Variants in ZDHHC21 observed in about 807,000 individuals in gnomAD.
ZDHHC21 encodes the protein zDHHC palmitoyltransferase 21.
Under a neutral mutation model 34.6 loss-of-function variants are expected in ZDHHC21, and 15 were observed. The ratio of observed to expected loss-of-function variants is 0.43; its 90% confidence interval spans 0.29 to 0.67. The LOEUF is 0.67. Ranked by LOEUF, ZDHHC21 falls within the 30% of genes least tolerant of loss-of-function variation. The pLI is 0.14. For synonymous variants in ZDHHC21, 142 were observed against 101.8 expected (o/e 1.40, Z -2.38); for missense variants, 344 against 327.7 (o/e 1.05, Z -0.38).
chr9:14,684,603 A>G (rs1433823975), intron 2 of ZDHHC21, among the ~76,000 whole-genome samples: 3 of 151,920 alleles, frequency 2.0e-5, no homozygotes, highest in South Asian at 4.2e-4. Flanking sequence ...GGAAGAATCA[A>G]TATCATGAAA....
At chr9:14,685,982 A>G (rs1838249008) in intron 2 of ZDHHC21, among the ~76,000 whole-genome samples, 1 of 151,162 alleles carries the variant, frequency 6.6e-6, no homozygotes, top group Non-Finnish European at 1.5e-5. Flanking sequence ...ACATGTTCTC[A>G]CTCATAGGTG....
intron 8 of ZDHHC21, among the ~76,000 whole-genome samples, chr9:14,634,088 A>C (rs1392139938): frequency 1.3e-5 from 2 of 152,112 alleles, no homozygotes; most frequent in Non-Finnish European, 2.9e-5. Context: ...GACCATCTAC[A>C]GCCCAGTCCA....
At chr9:14,664,613 G>C (rs1320377487) in intron 5 of ZDHHC21, among the ~76,000 whole-genome samples, 1 of 150,644 alleles carries the variant, frequency 6.6e-6, no homozygotes, top group Non-Finnish European at 1.5e-5. Context: ...GTCCCTGATA[G>C]CTTTGAAGAG....
In ZDHHC21 at chr9:14,615,060, A is replaced by T. The variant is rs1314786742; in HGVS notation, c.*3906T>A. The T allele has an allele frequency of 6.6e-6, 1 of 151,732 alleles. No individual in the cohort carries two copies. The highest frequency in any genetic ancestry group is 2.4e-5 in the African/African-American group (1 of 41,426). The allele number at this position is 151,732 out of a possible 1,614,324, so 9.4% of individuals were successfully genotyped here. Reference sequence around the variant, plus strand: ...ATTAGTATTAATGGCATATTAAACCAGAGCTTGGTACATTGTGATTTTATA... The same window carrying T: ...ATTAGTATTAATGGCATATTAAACCTGAGCTTGGTACATTGTGATTTTATA... On this transcript the variant is annotated 3_prime_UTR_variant, in exon 10 of 10. Coordinates refer to ENST00000380916, the MANE Select transcript of ZDHHC21 (RefSeq NM_178566.6).
chr9:14,653,084 T>A (rs967463610), intron 7 of ZDHHC21, among the ~76,000 whole-genome samples: 4 of 151,942 alleles, frequency 2.6e-5, no homozygotes, highest in African/African-American at 9.7e-5. Context: ...TGTATAATAA[T>A]CATTAATGCA....
At chr9:14,672,986 C>T in intron 4 of ZDHHC21, 58 bp from the exon 5 acceptor site, 12 of 1,105,634 alleles carry the variant, frequency 1.1e-5, no homozygotes, top group Non-Finnish European at 1.5e-5. Flanking sequence ...ATTTTATCAA[C>T]AATCATATTT....
chr9:14,648,530 T>A (rs1306510776), intron 7 of ZDHHC21, among the ~76,000 whole-genome samples: 1 of 152,098 alleles, frequency 6.6e-6, no homozygotes, highest in Non-Finnish European at 1.5e-5. Context: ...TCAACAACAG[T>A]GACTTGCTTG....
intron 7 of ZDHHC21, among the ~76,000 whole-genome samples, chr9:14,655,489 CAATAAT>C (rs2133876200): frequency 6.6e-6 from 1 of 151,914 alleles, no homozygotes; most frequent in East Asian, 1.9e-4. Context: ...TATGTAACAA[CAATAAT>C]GTCTTGTTAT....
chr9:14,690,000 AG>A (rs1838936745), intron 2 of ZDHHC21, among the ~76,000 whole-genome samples: 1 of 152,212 alleles, frequency 6.6e-6, no homozygotes, highest in Non-Finnish European at 1.5e-5. Flanking sequence ...TTAGGGAGAT[AG>A]GAGTGGGAAA....
Position 14,617,665 on chromosome 9 carries a change from T to C in ZDHHC21, c.*1301A>G, listed in dbSNP as rs1824491199. On this transcript the variant is annotated 3_prime_UTR_variant, in exon 10 of 10. Coordinates refer to ENST00000380916, the MANE Select transcript of ZDHHC21 (RefSeq NM_178566.6). ...AAAAAAACTAAAAGCTGAGTTTTTT[T>C]CAAAGCATACTAAATGTCTTTTCAT... The C allele has an allele frequency of 6.6e-6, 1 of 151,998 alleles. No homozygotes were observed. Among genetic ancestry groups the C allele is most frequent in the Non-Finnish European group, 1.5e-5 (1 of 67,930 alleles). 9.4% of individuals were successfully genotyped at this position (151,998 alleles called of 1,614,324 possible).
intron 5 of ZDHHC21, among the ~76,000 whole-genome samples, chr9:14,663,493 ATTT>A (rs35050957): frequency 7.3e-6 from 1 of 136,684 alleles, no homozygotes; most frequent in Admixed American, 7.3e-5. Context: ...CAGATTACAG[ATTT>A]TTTTTTTTTT....
chr9:14,595,470 A>C, the ZDHHC21 span, among the ~76,000 whole-genome samples: 54 of 152,302 alleles, frequency 3.5e-4, no homozygotes, highest in African/African-American at 1.3e-3. Context: ...AAATCTATAA[A>C]AGCATATTAG....
In ZDHHC21 at chr9:14,618,076, G is replaced by C. The variant is rs901132085; in HGVS notation, c.*890C>G. The C allele has an allele frequency of 6.6e-6, 1 of 152,230 alleles. No individual in the cohort carries two copies. Among genetic ancestry groups the C allele is most frequent in the African/African-American group, 2.4e-5 (1 of 41,328 alleles). The allele number at this position is 152,230 out of a possible 1,614,324, so 9.4% of individuals were successfully genotyped here. A position where few individuals can be genotyped will look rare whatever the true frequency, so the allele number is the denominator to read the frequency against. On this transcript the variant is annotated 3_prime_UTR_variant, in exon 10 of 10. Coordinates refer to ENST00000380916, the MANE Select transcript of ZDHHC21 (RefSeq NM_178566.6). ...CATTATATACTATCTAGTTATACTA[G>C]CATTTTAAAAACATATGCATTCTAA...
chr9:14,624,599 T>C (rs1242243062), intron 8 of ZDHHC21, among the ~76,000 whole-genome samples: 1 of 151,982 alleles, frequency 6.6e-6, no homozygotes, highest in African/African-American at 2.4e-5. Flanking sequence ...AAAAAGGTGA[T>C]CTCACAGAAG....
At chr9:14,662,604 A>T (rs571278946) in intron 5 of ZDHHC21, among the ~76,000 whole-genome samples, 10 of 152,354 alleles carry the variant, frequency 6.6e-5, no homozygotes, top group African/African-American at 2.2e-4. Flanking sequence ...GATTCTGGGT[A>T]TACTGTGAGA....
At chr9:14,603,564 A>G in the ZDHHC21 span, among the ~76,000 whole-genome samples, 2 of 152,188 alleles carry the variant, frequency 1.3e-5, no homozygotes, top group African/African-American at 4.8e-5. Context: ...AACATGAAAG[A>G]TTTGGATTCA....
At chr9:14,606,812 G>C (rs1040069691), downstream of ZDHHC21, among the ~76,000 whole-genome samples, 2 of 151,824 alleles carry the variant, frequency 1.3e-5, no homozygotes, top group Non-Finnish European at 2.9e-5. Flanking sequence ...AGGTAACCTA[G>C]TCAAAAACCA....
intron 8 of ZDHHC21, among the ~76,000 whole-genome samples, chr9:14,622,944 T>C (rs1162687742): frequency 6.6e-6 from 1 of 152,084 alleles, no homozygotes; most frequent in Admixed American, 6.6e-5. Flanking sequence ...TGCTTCCAAG[T>C]CTGCTACACG....
chr9:14,609,444 G>A (rs1185260569), downstream of ZDHHC21, among the ~76,000 whole-genome samples: 1 of 152,030 alleles, frequency 6.6e-6, no homozygotes, highest in Non-Finnish European at 1.5e-5. Flanking sequence ...ATAAGTGAAG[G>A]TAACCTGTCA....
Sources: gnomAD v4.1 joint callset for allele counts (sites outside exome capture counted in the v4.1 genomes callset) on GRCh38, gnomAD v4.1.1 for gene constraint, MANE v1.5 for transcripts, NCBI Gene and HGNC (gene_info 2026-07-23, HGNC 2026-07-21) for gene names.